COL21A1: variants seen among roughly 807,000 people sequenced by gnomAD.
The protein encoded by COL21A1 is collagen type XXI alpha 1 chain.
In COL21A1, 149 loss-of-function variants were observed where a neutral mutation model predicts 137.9. The observed-to-expected ratio is 1.08, with a 90% confidence interval of 0.95 to 1.24. COL21A1 has a LOEUF of 1.24. Among genes scored for constraint, COL21A1 ranks in the 50% most tolerant of loss-of-function variants. COL21A1 has a pLI of 0.00. For missense variants in COL21A1, 1,167 were observed against 1,158.4 expected, an observed-to-expected ratio of 1.01 and a Z score of -0.11; for synonymous variants, 456 against 391.5, an observed-to-expected ratio of 1.16 and a Z score of -1.95.
chr6:56,338,416 G>C (rs146018429), intron 1 of COL21A1, among the ~76,000 whole-genome samples: 365 of 151,816 alleles, frequency 2.4e-3, no homozygotes, highest in African/African-American at 8.4e-3. Context: ...ACAGTTCTCT[G>C]ACAATGGAGA....
chr6:56,123,987 G>T, intron 16 of COL21A1, 75 bp downstream of exon 16: 4 of 1,251,422 alleles, frequency 3.2e-6, no homozygotes, highest in South Asian at 1.5e-5. Context: ...TTTAATATTG[G>T]TACATTTTTC....
chr6:56,218,438 T>C (rs1780622199), intron 1 of COL21A1, among the ~76,000 whole-genome samples: 1 of 152,108 alleles, frequency 6.6e-6, no homozygotes, highest in Non-Finnish European at 1.5e-5. Flanking sequence ...ATATGGCTTG[T>C]TATTGTTATA....
At chr6:56,118,104 T>C (rs1772099904) in intron 16 of COL21A1, among the ~76,000 whole-genome samples, 1 of 150,626 alleles carries the variant, frequency 6.6e-6, no homozygotes, top group African/African-American at 2.4e-5. Flanking sequence ...ATCAATGAAA[T>C]TGAAATTCAA....
chr6:56,344,220 C>G (rs1765536967), intron 1 of COL21A1, among the ~76,000 whole-genome samples: 1 of 152,216 alleles, frequency 6.6e-6, no homozygotes, highest in Admixed American at 6.5e-5. Context: ...CATTTACCCA[C>G]AGTATGCCTG....
chr6:56,355,408 A>G (rs1765807212), intron 1 of COL21A1, among the ~76,000 whole-genome samples: 1 of 152,164 alleles, frequency 6.6e-6, no homozygotes, highest in African/African-American at 2.4e-5. Context: ...GGAAATTACA[A>G]GGAAAAAAAA....
Position 56,141,845 on chromosome 6 carries a change from T to A in COL21A1, c.1489-7A>T. 1 of 1,613,330 alleles carries A rather than the reference T, an allele frequency of 6.2e-7. No homozygotes were observed. Among genetic ancestry groups the A allele is most frequent in the Non-Finnish European group, 8.5e-7 (1 of 1,179,556 alleles). On this transcript the variant is annotated splice_region_variant and splice_polypyrimidine_tract_variant and intron_variant, in intron 11 of 29. Transcript: ENST00000244728. ...CTGGTAGTCCTCGAGCTCCCTAAAT[T>A]AACCAGAAAATAAAATTTTGTTAAT...
intron 1 of COL21A1, among the ~76,000 whole-genome samples, chr6:56,200,905 T>C (rs1582626853): frequency 6.6e-6 from 1 of 152,254 alleles, no homozygotes; most frequent in South Asian, 2.1e-4. Flanking sequence ...GTTGAACTAG[T>C]TTACAGTCCC....
At chr6:56,110,842 AT>A (rs1330958385) in intron 16 of COL21A1, among the ~76,000 whole-genome samples, 2 of 152,116 alleles carry the variant, frequency 1.3e-5, no homozygotes, top group Non-Finnish European at 2.9e-5. Flanking sequence ...AAGTGAAACA[AT>A]ATACCATGTT....
intron 16 of COL21A1, among the ~76,000 whole-genome samples, chr6:56,106,096 A>G (rs1023733663): frequency 2.0e-5 from 3 of 152,200 alleles, no homozygotes; most frequent in African/African-American, 7.2e-5. Context: ...TGCAACTTCT[A>G]TATTTCCTTT....
chr6:56,164,819 C>A lies in COL21A1; in HGVS notation c.1282G>T (p.Gly428Ter). The change falls in exon 8 of 30, where the codon GGA (glycine) becomes TGA (stop). Residue 428 changes from glycine to a stop codon, truncating the protein, a stop_gained. Coordinates refer to ENST00000244728, the MANE Select transcript of COL21A1 (RefSeq NM_030820.4). LOFTEE classifies it high-confidence loss of function. ...ETACEIPGFN[G>*]ECLNGPSDVG... Reference sequence around the variant, plus strand: ...ACAATAGTATCCAAGCCTACCTCTCCATTCTGAAAGAAAAACAACAAATGT... The same window carrying A: ...ACAATAGTATCCAAGCCTACCTCTCAATTCTGAAAGAAAAACAACAAATGT... 1 of 1,563,350 alleles carries A rather than the reference C, an allele frequency of 6.4e-7. No homozygotes were observed. The highest frequency in any genetic ancestry group is 8.7e-7 in the Non-Finnish European group (1 of 1,152,016).
At chr6:56,226,886 T>C (rs1015628699) in intron 1 of COL21A1, among the ~76,000 whole-genome samples, 1 of 151,978 alleles carries the variant, frequency 6.6e-6, no homozygotes, top group Non-Finnish European at 1.5e-5. Flanking sequence ...AAGAAATACT[T>C]TCTTTGGATT....
intron 17 of COL21A1, among the ~76,000 whole-genome samples, chr6:56,086,527 T>C (rs1768262943): frequency 6.6e-6 from 1 of 152,174 alleles, no homozygotes; most frequent in Non-Finnish European, 1.5e-5. Context: ...ATATATCTAC[T>C]ATTCATTAAG....
intron 16 of COL21A1, among the ~76,000 whole-genome samples, chr6:56,117,685 CACAAA>C (rs1772064152): frequency 6.6e-6 from 1 of 151,912 alleles, no homozygotes; most frequent in South Asian, 2.1e-4. Flanking sequence ...TAGGTTAGGT[CACAAA>C]ACAAGTCTTC....
chr6:56,271,028 A>T (rs967874067), intron 1 of COL21A1, among the ~76,000 whole-genome samples: 1 of 152,214 alleles, frequency 6.6e-6, no homozygotes, highest in Non-Finnish European at 1.5e-5. Context: ...GATAACCTGA[A>T]AATGTGGGAG....
intron 1 of COL21A1, among the ~76,000 whole-genome samples, chr6:56,214,410 T>C (rs972290038): frequency 2.0e-5 from 3 of 152,080 alleles, no homozygotes; most frequent in African/African-American, 7.2e-5. Context: ...CTTTAATCAT[T>C]ACCAACTTCA....
intron 1 of COL21A1, among the ~76,000 whole-genome samples, chr6:56,364,404 T>C (rs1202854796): frequency 6.6e-6 from 1 of 152,216 alleles, no homozygotes; most frequent in African/African-American, 2.4e-5. Context: ...AGATATTATC[T>C]TCAAGGGCCA....
intron 1 of COL21A1, among the ~76,000 whole-genome samples, chr6:56,262,578 C>T (rs1035705614): frequency 1.3e-5 from 2 of 151,996 alleles, no homozygotes. Context: ...TCTGTTTTTC[C>T]TCTGTAGATC....
intron 12 of COL21A1, among the ~76,000 whole-genome samples, chr6:56,127,462 C>T (rs1005637812): frequency 2.6e-5 from 4 of 152,046 alleles, no homozygotes; most frequent in African/African-American, 9.7e-5. Flanking sequence ...CTAGACCTGT[C>T]TCATTTCAGT....
chr6:56,142,945 G>T (rs1400611672), intron 10 of COL21A1, among the ~76,000 whole-genome samples: 1 of 152,092 alleles, frequency 6.6e-6, no homozygotes, highest in Non-Finnish European at 1.5e-5. Context: ...ATGGGTGTCT[G>T]CACTGGTCTT....
Sources: allele counts gnomAD v4.1 joint callset (sites outside exome capture counted in the v4.1 genomes callset), GRCh38; gene constraint gnomAD v4.1.1; transcripts MANE v1.5; gene names NCBI Gene and HGNC (gene_info 2026-07-23, HGNC 2026-07-21).